Variants in PFKP observed in about 807,000 individuals in gnomAD.
The protein encoded by PFKP is ATP-dependent 6-phosphofructokinase, platelet type.
Under a neutral mutation model 94.3 loss-of-function variants are expected in PFKP, and 101 were observed. The observed-to-expected ratio is 1.07, with a 90% CI of 0.91 to 1.26. PFKP has a LOEUF of 1.26. Among genes scored for constraint, PFKP ranks in the 50% most tolerant of loss-of-function variants. The pLI, the probability that PFKP is intolerant of heterozygous loss-of-function variation, is 0.00. For missense variants in PFKP, 1,145 were observed against 1,103.3 expected (o/e 1.04, Z -0.53); for synonymous variants, 573 against 432.6 (o/e 1.32, Z -4.03).
rs1056444026 is a variant in PFKP at position 3,099,223 on chromosome 10, C to A, written c.187-52C>A. 4.5e-6 allele frequency: 6 copies of A among 1,320,322 alleles called. No individual in the cohort carries two copies. In the South Asian group the frequency reaches 5.9e-5, roughly 13 times the overall value. The allele number at this position is 1,320,322 out of a possible 1,614,324, so 81.8% of individuals were successfully genotyped here. A position where few individuals can be genotyped will look rare whatever the true frequency, so the allele number is the denominator to read the frequency against. Reference sequence around the variant, plus strand: ...TTTTATATAATTTAAGGATCACTTCCCATTTAGTGAAGTTTATCTCATTTT... The same window carrying A: ...TTTTATATAATTTAAGGATCACTTCACATTTAGTGAAGTTTATCTCATTTT... On this transcript the variant is annotated intron_variant, in intron 2 of 21. Transcript: ENST00000381125.
At chr10:3,105,045 C>T in intron 5 of PFKP, 70 bp from the exon 6 acceptor site, 1 of 1,435,638 alleles carries the variant, frequency 7.0e-7, no homozygotes, top group East Asian at 2.3e-5. Flanking sequence ...GTTTCCAGGA[C>T]TGAGTGGGTG....
chr10:3,116,352 C>G (rs542994600), intron 13 of PFKP, among the ~76,000 whole-genome samples: 1 of 152,336 alleles, frequency 6.6e-6, no homozygotes, highest in South Asian at 2.1e-4. Flanking sequence ...GCAGTGGCAT[C>G]CTCTTTCTGC....
In PFKP at chr10:3,109,604, AAGG is replaced by A. The variant is rs1189588365; in HGVS notation, c.1089+128_1089+130del. On this transcript the variant is annotated intron_variant, in intron 10 of 21. Transcript: ENST00000381125. ...CGATGCATTACACGGCCTTTCTGAG[AAGG>A]AGGTGAGCTGCCCGTGGGGAGGGAG... is the stretch of plus-strand genomic sequence containing the variant. The A allele has an allele frequency of 4.9e-6, 6 of 1,222,860 alleles. No homozygotes were observed. The African/African-American group carries it at 7.4e-5, about 15-fold the overall frequency. The allele number at this position is 1,222,860 out of a possible 1,614,324, so 75.8% of individuals were successfully genotyped here. A position where few individuals can be genotyped will look rare whatever the true frequency, so the allele number is the denominator to read the frequency against.
intron 9 of PFKP, 78 bp from the exon 10 acceptor site, chr10:3,109,277 C>T (rs747469789): frequency 1.7e-5 from 27 of 1,577,972 alleles, no homozygotes; most frequent in Middle Eastern, 1.7e-4. Flanking sequence ...GGTCATTGGA[C>T]GTCATGGAAA....
At chr10:3,096,403 A>G (rs1479962288) in intron 2 of PFKP, among the ~76,000 whole-genome samples, 2 of 152,176 alleles carry the variant, frequency 1.3e-5, no homozygotes, top group Admixed American at 6.5e-5. Context: ...ATGCACAGAA[A>G]TGACCGCAAC....
At position 3,108,673 on chromosome 10, in the gene PFKP, C is replaced by T. The variant is rs75997941; in HGVS notation, c.871-28C>T. 704 of 1,573,990 alleles carry T rather than the reference C, an allele frequency of 4.5e-4. 4 individuals carry two copies. In the African/African-American group the frequency reaches 6.4e-3, roughly 14 times the overall value. On this transcript the variant is annotated intron_variant, in intron 8 of 21. Coordinates refer to ENST00000381125, the MANE Select transcript of PFKP (RefSeq NM_002627.5). ...GGCTGCTGTGTCCGCATCACAGTTC[C>T]GCATCCTAACGAGATGTTTCCTTGC...
At chr10:3,119,815 G>C in intron 15 of PFKP, 77 bp from the exon 16 acceptor site, 2 of 1,398,928 alleles carry the variant, frequency 1.4e-6, no homozygotes, top group Non-Finnish European at 1.0e-6. Flanking sequence ...TGGAGGTGGC[G>C]CTCCCAGCCT....
At chr10:3,116,877 C>CT (rs1836883368) in intron 14 of PFKP, 31 bp downstream of exon 14, 1 of 1,495,610 alleles carries the variant, frequency 6.7e-7, no homozygotes. Context: ...CTATGACCTG[C>CT]TTTTAAGGAA....
At chr10:3,099,636 T>C (rs529183490) in intron 3 of PFKP, among the ~76,000 whole-genome samples, 3 of 152,186 alleles carry the variant, frequency 2.0e-5, no homozygotes, top group South Asian at 2.1e-4. Flanking sequence ...TCTCTCTGCA[T>C]TGGGCGCCTC....
intron 21 of PFKP, 96 bp from the exon 22 acceptor site, chr10:3,136,354 T>C: frequency 1.5e-6 from 2 of 1,297,722 alleles, no homozygotes; most frequent in Non-Finnish European, 2.2e-6. Context: ...CTACAAACCC[T>C]GTGTTTCTGG....
At chr10:3,134,299 A>T (rs1285883998) in intron 19 of PFKP, among the ~76,000 whole-genome samples, 184 bp from the exon 20 acceptor site, 1 of 152,040 alleles carries the variant, frequency 6.6e-6, no homozygotes, top group Non-Finnish European at 1.5e-5. Flanking sequence ...GAGCGGGGGG[A>T]ACACTTGATA....
chr10:3,112,486 G>T (rs1388915317), intron 11 of PFKP, among the ~76,000 whole-genome samples, 200 bp downstream of exon 11: 1 of 152,194 alleles, frequency 6.6e-6, no homozygotes, highest in Non-Finnish European at 1.5e-5. Flanking sequence ...ATTTGCCATT[G>T]GTCCTTTTTG....
rs1839418706 is a variant in PFKP, at chr10:3,136,707, CCCACCTGCT to C, written c.*132_*140del. ...ACCTAATCGGCGAGTGCCCATCTGC[CCCACCTGCT>C]CCAGTGCGTGCTGTCTGTGGAGTGT... On this transcript the variant is annotated 3_prime_UTR_variant, in exon 22 of 22. Transcript: ENST00000381125. The C allele has an allele frequency of 9.7e-6, 9 of 923,492 alleles. No individual in the cohort carries two copies. The South Asian group carries it at 1.4e-4, about 15-fold the overall frequency. 57.2% of individuals were successfully genotyped at this position (923,492 alleles called of 1,614,324 possible).
intron 11 of PFKP, among the ~76,000 whole-genome samples, chr10:3,112,861 C>T (rs113118949): frequency 6.6e-6 from 1 of 152,256 alleles, no homozygotes; most frequent in African/African-American, 2.4e-5. Context: ...AGCCACCGCA[C>T]GCATGTCTTG....
intron 16 of PFKP, among the ~76,000 whole-genome samples, chr10:3,124,283 G>A (rs1588545245): frequency 6.6e-6 from 1 of 152,370 alleles, no homozygotes; most frequent in Middle Eastern, 3.4e-3. Flanking sequence ...CCACGTGGAT[G>A]TCAAAAACAC....
At chr10:3,104,617 G>GA (rs1286551929) in intron 5 of PFKP, 2 of 208,924 alleles carry the variant, frequency 9.6e-6, no homozygotes, top group Non-Finnish European at 1.9e-5. Flanking sequence ...ACAGTTGGTG[G>GA]AAAATCACCG....
At position 3,109,403 on chromosome 10, in the gene PFKP, C is replaced by A; in HGVS notation, c.1012C>A (p.Pro338Thr). The A allele has an allele frequency of 6.2e-7, 1 of 1,610,638 alleles. No individual in the cohort carries two copies. The highest frequency in any genetic ancestry group is 8.5e-7 in the Non-Finnish European group (1 of 1,180,006). Reference protein sequence around the residue: ...EAVIALLEATPDTPACVVSLN... With the variant: ...EAVIALLEATTDTPACVVSLN... ...AGTCATCGCCTTGCTAGAGGCCACC[C>A]CGGACACCCCAGCTTGCGTCGTGTC... The change falls in exon 10 of 22, where the codon CCG (proline) becomes ACG (threonine). Residue 338 changes from proline to threonine, a missense_variant. Physicochemically the swap from Pro to Thr is conservative, Grantham distance 38. Coordinates refer to ENST00000381125, the MANE Select transcript of PFKP (RefSeq NM_002627.5).
Position 3,103,900 on chromosome 10 carries a change from C to G in PFKP, c.576C>G (p.His192Gln). 6.2e-7 allele frequency: 1 copy of G among 1,613,944 alleles called. No individual in the cohort carries two copies. Among genetic ancestry groups the G allele is most frequent in the Non-Finnish European group, 8.5e-7 (1 of 1,180,038 alleles). Residue 192 changes from histidine (H) to glutamine (Q), a missense_variant, in exon 5 of 22, where the codon CAC becomes CAG. Physicochemically the swap from His to Gln is conservative, Grantham distance 24. This residue lies in a region of PFKP where 1,119 missense variants were observed against 1,062.8 expected (regional missense o/e 1.05). Transcript: ENST00000381125. Reference protein sequence around the residue: ...DMTIGTDSALHRIIEVVDAIM... With the variant: ...DMTIGTDSALQRIIEVVDAIM... Reference sequence around the variant, plus strand: ...CCATCGGCACGGACTCCGCCCTGCACAGGATCATCGAGGTCGTCGACGCCA... The same window carrying G: ...CCATCGGCACGGACTCCGCCCTGCAGAGGATCATCGAGGTCGTCGACGCCA...
Position 3,083,648 on chromosome 10 carries a change from TTTTA to T in PFKP, c.186+1191_186+1194del, listed in dbSNP as rs202141437. On this transcript the variant is annotated intron_variant, in intron 2 of 21. Transcript: ENST00000381125. ...ACGACTGTTGCTTTAACTTATTTTA[TTTTA>T]TTTTTTTTGAGAAAAATCTCACTTT... 4.4e-3 allele frequency among the ~76,000 whole-genome samples: 664 copies of T among 152,142 alleles called. 4 individuals carry two copies. The highest frequency in any genetic ancestry group is 0.038 in the East Asian group (199 of 5,188).
Sources: allele counts gnomAD v4.1 joint callset (sites outside exome capture counted in the v4.1 genomes callset), GRCh38; gene constraint gnomAD v4.1.1; regional missense constraint gnomAD v4.1.1; transcripts MANE v1.5; gene names NCBI Gene and HGNC (gene_info 2026-07-23, HGNC 2026-07-21).